Variants in ZNF804A observed in about 807,000 individuals in gnomAD.
The protein encoded by ZNF804A is zinc finger protein 804A.
Under a neutral mutation model 16.5 loss-of-function variants are expected in ZNF804A, and 2 were observed. That is an observed-to-expected ratio of 0.12 (90% CI 0.05 to 0.38). The LOEUF is 0.38. ZNF804A is among the 10% of genes least tolerant of loss of function. The pLI, the probability that ZNF804A is intolerant of heterozygous loss-of-function variation, is 0.99. For synonymous variants in ZNF804A, 534 were observed against 489.6 expected, an observed-to-expected ratio of 1.09 and a Z score of -1.20; for missense variants, 1,473 against 1,390.7, an observed-to-expected ratio of 1.06 and a Z score of -0.94.
chr2:184,639,426 C>G (rs969945633), intron 1 of ZNF804A, among the ~76,000 whole-genome samples: 1 of 152,078 alleles, frequency 6.6e-6, no homozygotes, highest in African/African-American at 2.4e-5. Flanking sequence ...TCCTCAGTGT[C>G]ACCCAAATAT....
intron 1 of ZNF804A, among the ~76,000 whole-genome samples, chr2:184,751,370 A>C (rs1029292037): frequency 1.3e-5 from 2 of 151,568 alleles, no homozygotes; most frequent in Non-Finnish European, 3.0e-5. Context: ...ATATCAACTC[A>C]AAATGGATTA....
At chr2:184,606,872 TATC>T (rs1299618973) in intron 1 of ZNF804A, among the ~76,000 whole-genome samples, 2 of 151,520 alleles carry the variant, frequency 1.3e-5, no homozygotes, top group African/African-American at 2.4e-5. Context: ...CACACACACA[TATC>T]ATATTGTTCC....
intron 1 of ZNF804A, among the ~76,000 whole-genome samples, chr2:184,670,793 T>C (rs892246315): frequency 1.3e-5 from 2 of 152,128 alleles, no homozygotes; most frequent in Non-Finnish European, 2.9e-5. Context: ...AGTGTTTTTC[T>C]TTAATTTTGA....
At chr2:184,915,761 G>GA (rs1685438987) in intron 2 of ZNF804A, among the ~76,000 whole-genome samples, 1 of 152,136 alleles carries the variant, frequency 6.6e-6, no homozygotes, top group Admixed American at 6.6e-5. Context: ...AGGCCTTGGG[G>GA]AAAGATATTG....
At chr2:184,626,624 T>C (rs968949745) in intron 1 of ZNF804A, among the ~76,000 whole-genome samples, 2 of 152,176 alleles carry the variant, frequency 1.3e-5, no homozygotes, top group African/African-American at 4.8e-5. Flanking sequence ...AATTTTTTTG[T>C]AATGGTCACA....
At chr2:184,848,938 G>C (rs1009055256) in intron 1 of ZNF804A, among the ~76,000 whole-genome samples, 2 of 152,028 alleles carry the variant, frequency 1.3e-5, no homozygotes, top group African/African-American at 4.8e-5. Context: ...TAGGACAAAG[G>C]CTTGTGTGTA....
intron 1 of ZNF804A, among the ~76,000 whole-genome samples, chr2:184,715,598 G>C (rs2105739211): frequency 6.6e-6 from 1 of 152,032 alleles, no homozygotes; most frequent in South Asian, 2.1e-4. Flanking sequence ...ATGAGGTCCA[G>C]CTATGTTGCC....
intron 1 of ZNF804A, among the ~76,000 whole-genome samples, chr2:184,668,927 G>A (rs570194413): frequency 3.2e-4 from 48 of 151,900 alleles, no homozygotes; most frequent in African/African-American, 1.2e-3. Context: ...TTTCTTTCTT[G>A]GTCAGCAGAA....
intron 1 of ZNF804A, among the ~76,000 whole-genome samples, chr2:184,852,704 T>G (rs2105804914): frequency 6.6e-6 from 1 of 151,922 alleles, no homozygotes; most frequent in Non-Finnish European, 1.5e-5. Flanking sequence ...TTGAACAGAC[T>G]ATCCTTTCCC....
intron 1 of ZNF804A, among the ~76,000 whole-genome samples, chr2:184,767,158 A>C (rs1040744405): frequency 6.6e-6 from 1 of 152,182 alleles, no homozygotes; most frequent in African/African-American, 2.4e-5. Context: ...TACCCAGTTG[A>C]TAGTATTTTG....
intron 1 of ZNF804A, among the ~76,000 whole-genome samples, chr2:184,679,436 C>T (rs762550797): frequency 6.6e-6 from 1 of 152,140 alleles, no homozygotes; most frequent in Non-Finnish European, 1.5e-5. Flanking sequence ...GAGCCCCACC[C>T]CTTATGAGTT....
chr2:184,886,275 G>A (rs528635882), intron 2 of ZNF804A, among the ~76,000 whole-genome samples: 8 of 152,252 alleles, frequency 5.3e-5, no homozygotes, highest in East Asian at 1.9e-4. Context: ...TCCAGGTCAC[G>A]CTGATGCAAA....
At chr2:184,836,153 TGGC>T (rs1695342711) in intron 1 of ZNF804A, among the ~76,000 whole-genome samples, 2 of 152,176 alleles carry the variant, frequency 1.3e-5, no homozygotes, top group South Asian at 4.1e-4. Flanking sequence ...GCATGGTGCT[TGGC>T]ACATGGTAGT....
intron 1 of ZNF804A, among the ~76,000 whole-genome samples, chr2:184,654,388 A>G (rs1468206154): frequency 6.6e-6 from 1 of 152,132 alleles, no homozygotes. Flanking sequence ...AGGGCAAAAA[A>G]AATTGGGAAG....
At chr2:184,643,434 GA>G (rs1691824697) in intron 1 of ZNF804A, among the ~76,000 whole-genome samples, 1 of 151,746 alleles carries the variant, frequency 6.6e-6, no homozygotes, top group African/African-American at 2.4e-5. Context: ...AATTTGCTTT[GA>G]AAAATTAAAA....
At chr2:184,910,354 T>A (rs1266170261) in intron 2 of ZNF804A, among the ~76,000 whole-genome samples, 1 of 152,064 alleles carries the variant, frequency 6.6e-6, no homozygotes, top group Non-Finnish European at 1.5e-5. Context: ...TATGCCACAT[T>A]TTCTCCATCC....
chr2:184,694,532 T>C (rs1055996503), intron 1 of ZNF804A, among the ~76,000 whole-genome samples: 14 of 152,210 alleles, frequency 9.2e-5, no homozygotes, highest in Non-Finnish European at 1.3e-4. Context: ...TTATATGGTA[T>C]ACAGTTTTGA....
intron 1 of ZNF804A, among the ~76,000 whole-genome samples, chr2:184,819,612 A>G (rs1049517965): frequency 2.0e-5 from 3 of 152,016 alleles, no homozygotes; most frequent in Non-Finnish European, 4.4e-5. Context: ...AACCCTTCAA[A>G]AAACCAATGA....
intron 1 of ZNF804A, among the ~76,000 whole-genome samples, chr2:184,763,162 CA>C (rs961179928): frequency 3.3e-5 from 5 of 152,022 alleles, no homozygotes; most frequent in African/African-American, 1.2e-4. Flanking sequence ...ATCGTGTCCC[CA>C]AAAAGATATG....
Sources: gnomAD v4.1 joint callset for allele counts (sites outside exome capture counted in the v4.1 genomes callset) on GRCh38, gnomAD v4.1.1 for gene constraint, MANE v1.5 for transcripts, NCBI Gene and HGNC (gene_info 2026-07-23, HGNC 2026-07-21) for gene names.